Variants in CUX1 observed in about 807,000 individuals in gnomAD.
The protein encoded by CUX1 is cut like homeobox 1.
CUX1 carries 31 observed loss-of-function variants against 158.8 expected under a neutral mutation model. The ratio of observed to expected loss-of-function variants is 0.20; its 90% CI spans 0.15 to 0.26. The LOEUF (loss-of-function observed/expected upper bound fraction) is 0.26, where lower values mean the gene tolerates loss of function less well. Among genes scored for constraint, CUX1 ranks in the 10% least tolerant of loss-of-function variants. The pLI is 1.00. For synonymous variants in CUX1, 879 were observed against 862.1 expected (o/e 1.02, Z -0.34); for missense variants, 1,589 against 2,014.6 (o/e 0.79, Z 4.04).
chr7:102,055,953 G>A (rs1202393590), intron 3 of CUX1, among the ~76,000 whole-genome samples: 7 of 152,116 alleles, frequency 4.6e-5, no homozygotes, highest in Non-Finnish European at 1.0e-4. Flanking sequence ...CTGCATAGAC[G>A]ATCAAACCAG....
At chr7:101,834,881 A>C (rs1794454223) in intron 1 of CUX1, among the ~76,000 whole-genome samples, 1 of 152,042 alleles carries the variant, frequency 6.6e-6, no homozygotes, top group African/African-American at 2.4e-5. Flanking sequence ...TTGTAATCCC[A>C]GCTACTCAGG....
rs200849897 is a variant in CUX1 at position 102,028,083 on chromosome 7, C to T, written c.142-15C>T. The T allele has an allele frequency of 3.2e-5, 52 of 1,612,154 alleles. No individual in the cohort carries two copies. The highest frequency in any genetic ancestry group is 2.3e-4 in the African/African-American group (17 of 74,968). ...TCTCAAATGGCTGCTTCCTGACCTC[C>T]GCCTCCTGCTCCAGGATTTGCGCAA... On this transcript the variant is annotated splice_polypyrimidine_tract_variant and intron_variant, in intron 2 of 23. Coordinates refer to ENST00000292535, the MANE Select transcript of CUX1 (RefSeq NM_181552.4).
chr7:102,274,581 A>G, intron 16 of CUX1, among the ~76,000 whole-genome samples: 1 of 152,184 alleles, frequency 6.6e-6, no homozygotes, highest in South Asian at 2.1e-4. Context: ...GTGCCACTGC[A>G]CTCCAGCCTG....
intron 2 of CUX1, among the ~76,000 whole-genome samples, chr7:102,003,928 G>A (rs1817023042): frequency 6.6e-6 from 1 of 152,158 alleles, no homozygotes; most frequent in African/African-American, 2.4e-5. Flanking sequence ...ATTGCTTGAG[G>A]CCAGGGGTTT....
At chr7:102,266,545 C>A (rs937002854) in intron 14 of CUX1, among the ~76,000 whole-genome samples, 2 of 151,964 alleles carry the variant, frequency 1.3e-5, no homozygotes, top group Admixed American at 6.6e-5. Flanking sequence ...GAGGCATCGG[C>A]TTGTCAATGG....
At chr7:101,880,065 G>T (rs989257897) in intron 1 of CUX1, among the ~76,000 whole-genome samples, 2 of 99,872 alleles carry the variant, frequency 2.0e-5, no homozygotes, top group Non-Finnish European at 4.0e-5. Flanking sequence ...AAAACCTACA[G>T]GAAAAGGCTG....
chr7:102,108,723 T>G (rs1222497408), intron 6 of CUX1, among the ~76,000 whole-genome samples: 3 of 149,226 alleles, frequency 2.0e-5, no homozygotes, highest in African/African-American at 7.5e-5. Flanking sequence ...AGCTAGAATT[T>G]ACTTCATTCA....
intron 14 of CUX1, among the ~76,000 whole-genome samples, chr7:102,266,453 A>G (rs1448410015): frequency 1.3e-5 from 2 of 151,784 alleles, no homozygotes; most frequent in African/African-American, 4.8e-5. Flanking sequence ...TGAAATTCAG[A>G]CCTGTGAAGG....
chr7:102,154,999 CTTG>C (rs1415884149), intron 8 of CUX1, among the ~76,000 whole-genome samples: 1 of 152,208 alleles, frequency 6.6e-6, no homozygotes, highest in African/African-American at 2.4e-5. Flanking sequence ...CTCTGCACAT[CTTG>C]TTGTGGGTAC....
At chr7:102,070,703 C>T (rs1245345899) in intron 4 of CUX1, among the ~76,000 whole-genome samples, 3 of 152,192 alleles carry the variant, frequency 2.0e-5, no homozygotes, top group Non-Finnish European at 4.4e-5. Context: ...AAACCCTGCA[C>T]GTACTGCAGA....
At chr7:102,104,585 T>TA in intron 6 of CUX1, 126 bp downstream of exon 6, 2 of 1,285,552 alleles carry the variant, frequency 1.6e-6, no homozygotes, top group Non-Finnish European at 2.1e-6. Flanking sequence ...CTATAAGGGG[T>TA]AAAATGTTTC....
At chr7:102,092,912 C>CAAAAA (rs60587564) in intron 4 of CUX1, among the ~76,000 whole-genome samples, 1 of 74,928 alleles carries the variant, frequency 1.3e-5, no homozygotes, top group Middle Eastern at 7.2e-3. Context: ...GACTCCGTCT[C>CAAAAA]AAAAAAAAAA....
At chr7:101,879,386 A>T (rs919521846) in intron 1 of CUX1, among the ~76,000 whole-genome samples, 1 of 152,188 alleles carries the variant, frequency 6.6e-6, no homozygotes. Context: ...TGAAATTGGA[A>T]TGGACCCCTC....
intron 3 of CUX1, among the ~76,000 whole-genome samples, chr7:102,052,911 G>A (rs1284323231): frequency 9.9e-5 from 15 of 152,054 alleles, no homozygotes; most frequent in Admixed American, 8.5e-4. Flanking sequence ...AGGTTCAAGC[G>A]ATTCTCCTGC....
intron 20 of CUX1, among the ~76,000 whole-genome samples, chr7:102,211,801 A>C (rs1026710042): frequency 3.3e-5 from 5 of 151,344 alleles, no homozygotes; most frequent in Non-Finnish European, 5.9e-5. Context: ...AAAAAAAAAA[A>C]AACTCAACCT....
At chr7:101,891,680 A>G (rs1800893518) in intron 1 of CUX1, among the ~76,000 whole-genome samples, 1 of 152,226 alleles carries the variant, frequency 6.6e-6, no homozygotes, top group Non-Finnish European at 1.5e-5. Context: ...GAAACCATCC[A>G]GAATGTGACT....
intron 6 of CUX1, among the ~76,000 whole-genome samples, chr7:102,104,890 T>C (rs1160805136): frequency 6.6e-6 from 1 of 152,128 alleles, no homozygotes; most frequent in Non-Finnish European, 1.5e-5. Flanking sequence ...AGACTCCATC[T>C]CCAAAAAAAG....
intron 21 of CUX1, chr7:102,282,645 G>T: frequency 5.2e-6 from 8 of 1,552,444 alleles, no homozygotes; most frequent in Non-Finnish European, 7.1e-6. Flanking sequence ...AGGCCCAGGG[G>T]CCATGGGTGG....
chr7:101,956,858 A>G (rs1809840404), intron 2 of CUX1, among the ~76,000 whole-genome samples: 1 of 152,186 alleles, frequency 6.6e-6, no homozygotes, highest in Non-Finnish European at 1.5e-5. Flanking sequence ...CCAAGGCGGG[A>G]GGATCGCTTG....
Sources: gnomAD v4.1 joint callset for allele counts (sites outside exome capture counted in the v4.1 genomes callset) on GRCh38, gnomAD v4.1.1 for gene constraint, MANE v1.5 for transcripts, NCBI Gene and HGNC (gene_info 2026-07-23, HGNC 2026-07-21) for gene names.